Variants in XRCC4 observed in about 807,000 individuals in gnomAD.
XRCC4 encodes the protein X-ray repair cross complementing 4.
XRCC4 carries 28 observed loss-of-function variants against 39.1 expected under a neutral mutation model. The ratio of observed to expected loss-of-function variants is 0.72; its 90% confidence interval spans 0.53 to 0.98. The LOEUF (loss-of-function observed/expected upper bound fraction) is 0.98, where lower values mean the gene tolerates loss of function less well. XRCC4 is among the 50% of genes least tolerant of loss of function. The pLI is 0.00. For missense variants in XRCC4, 350 were observed against 376.4 expected, an observed-to-expected ratio of 0.93 and a Z score of 0.58; for synonymous variants, 123 against 126.4, an observed-to-expected ratio of 0.97 and a Z score of 0.18.
At chr5:83,276,729 T>G (rs1754348726) in intron 7 of XRCC4, among the ~76,000 whole-genome samples, 1 of 152,218 alleles carries the variant, frequency 6.6e-6, no homozygotes, top group Non-Finnish European at 1.5e-5. Flanking sequence ...CTAGTGTCTT[T>G]GTGTGTTTTC....
chr5:83,345,219 A>G (rs1347268851), intron 7 of XRCC4, among the ~76,000 whole-genome samples: 10 of 152,160 alleles, frequency 6.6e-5, no homozygotes, highest in Non-Finnish European at 1.5e-5. Flanking sequence ...ACTTACTTCA[A>G]ATGCAATTCA....
At chr5:83,164,719 T>G (rs1282488164) in intron 3 of XRCC4, among the ~76,000 whole-genome samples, 1 of 152,146 alleles carries the variant, frequency 6.6e-6, no homozygotes, top group African/African-American at 2.4e-5. Flanking sequence ...CAATTATACC[T>G]TAATAAATCT....
At chr5:83,356,100 A>T (rs74735129), downstream of XRCC4, among the ~76,000 whole-genome samples, 37,795 of 151,798 alleles carry the variant, frequency 0.25, 6,848 homozygotes, top group East Asian at 0.68. Flanking sequence ...AAAAACTTTT[A>T]AATATATGAA....
chr5:83,206,268 G>A (rs146092964), intron 6 of XRCC4, among the ~76,000 whole-genome samples: 67 of 152,192 alleles, frequency 4.4e-4, no homozygotes, highest in African/African-American at 1.2e-3. Context: ...ACAACAATTC[G>A]GTGAAGGATG....
At chr5:83,247,786 C>T (rs1234227997) in intron 6 of XRCC4, among the ~76,000 whole-genome samples, 2 of 152,126 alleles carry the variant, frequency 1.3e-5, no homozygotes, top group Non-Finnish European at 2.9e-5. Flanking sequence ...CTAGGTATTA[C>T]TCTACATAAT....
intron 3 of XRCC4, among the ~76,000 whole-genome samples, chr5:83,164,653 G>GTGTA (rs1233711218): frequency 6.6e-6 from 1 of 152,096 alleles, no homozygotes; most frequent in African/African-American, 2.4e-5. Flanking sequence ...ATTTCACAAT[G>GTGTA]TGTATATGTA....
chr5:83,202,522 AG>A (rs1469706345), intron 4 of XRCC4, among the ~76,000 whole-genome samples: 1 of 152,160 alleles, frequency 6.6e-6, no homozygotes, highest in Non-Finnish European at 1.5e-5. Context: ...TGTATATAAA[AG>A]CTATCTAATT....
intron 7 of XRCC4, among the ~76,000 whole-genome samples, chr5:83,340,299 TCCCCCA>T (rs1756716777): frequency 6.6e-6 from 1 of 151,980 alleles, no homozygotes; most frequent in Non-Finnish European, 1.5e-5. Context: ...CCCACCCTCT[TCCCCCA>T]GAGATGTCTA....
intron 7 of XRCC4, among the ~76,000 whole-genome samples, chr5:83,348,509 G>A (rs1444317785): frequency 6.6e-6 from 1 of 152,228 alleles, no homozygotes; most frequent in Non-Finnish European, 1.5e-5. Context: ...CACAGCTGGA[G>A]CGGGAGCAGC....
intron 3 of XRCC4, among the ~76,000 whole-genome samples, chr5:83,116,414 G>C (rs981735832): frequency 6.6e-6 from 1 of 151,996 alleles, no homozygotes; most frequent in Admixed American, 6.6e-5. Flanking sequence ...GTATCTAATT[G>C]TGTGTTCACT....
At chr5:83,209,776 C>A (rs551825004) in intron 6 of XRCC4, among the ~76,000 whole-genome samples, 1 of 151,912 alleles carries the variant, frequency 6.6e-6, no homozygotes, top group Admixed American at 6.6e-5. Flanking sequence ...TAATTAAGAG[C>A]ATTACTAAAA....
At chr5:83,132,667 T>A (rs1057250981) in intron 3 of XRCC4, among the ~76,000 whole-genome samples, 8 of 152,180 alleles carry the variant, frequency 5.3e-5, no homozygotes, top group African/African-American at 1.9e-4. Flanking sequence ...TTCCACTTGA[T>A]TGAATCGGCC....
intron 3 of XRCC4, among the ~76,000 whole-genome samples, chr5:83,128,127 T>C (rs1747367608): frequency 6.6e-6 from 1 of 152,062 alleles, no homozygotes; most frequent in Non-Finnish European, 1.5e-5. Flanking sequence ...TCCACCCTCC[T>C]GCCACCCCAC....
chr5:83,172,789 A>G (rs1488465925), intron 3 of XRCC4, among the ~76,000 whole-genome samples: 1 of 152,166 alleles, frequency 6.6e-6, no homozygotes, highest in Non-Finnish European at 1.5e-5. Context: ...CTGATGAGAC[A>G]ACAACAATGG....
chr5:83,090,035 T>G (rs1407140426), intron 1 of XRCC4, among the ~76,000 whole-genome samples: 2 of 152,154 alleles, frequency 1.3e-5, no homozygotes, highest in East Asian at 3.9e-4. Context: ...CAGGAAGCTG[T>G]TCACATCTCC....
intron 3 of XRCC4, among the ~76,000 whole-genome samples, chr5:83,123,588 G>T (rs1367168288): frequency 6.6e-6 from 1 of 151,498 alleles, no homozygotes; most frequent in Non-Finnish European, 1.5e-5. Flanking sequence ...ATCTCTGTTT[G>T]TTCCATCTTT....
intron 3 of XRCC4, among the ~76,000 whole-genome samples, chr5:83,183,634 T>TTTTG (rs553137066): frequency 2.3e-4 from 35 of 152,258 alleles, no homozygotes; most frequent in African/African-American, 8.4e-4. Flanking sequence ...TGCTGTTGAT[T>TTTTG]TTTGTTTGTT....
intron 6 of XRCC4, among the ~76,000 whole-genome samples, chr5:83,225,370 G>T (rs1269720190): frequency 1.3e-5 from 2 of 152,000 alleles, no homozygotes; most frequent in Non-Finnish European, 2.9e-5. Flanking sequence ...TACTGGGACA[G>T]GGAGAGGAAC....
downstream of XRCC4, among the ~76,000 whole-genome samples, chr5:83,355,354 A>G (rs1392709812): frequency 6.6e-6 from 1 of 152,174 alleles, no homozygotes; most frequent in African/African-American, 2.4e-5. Flanking sequence ...CCGGTGGAAC[A>G]TAAGCCCTAT....
Sources: gnomAD v4.1 joint callset for allele counts (sites outside exome capture counted in the v4.1 genomes callset) on GRCh38, gnomAD v4.1.1 for gene constraint, MANE v1.5 for transcripts, NCBI Gene and HGNC (gene_info 2026-07-23, HGNC 2026-07-21) for gene names.